BARD1: variants seen among roughly 807,000 people sequenced by gnomAD.
BARD1 encodes BRCA1-associated RING domain protein 1.
A neutral mutation model predicts 77.0 loss-of-function variants in BARD1; 73 were observed. The ratio of observed to expected loss-of-function variants is 0.95; its 90% confidence interval spans 0.79 to 1.15. The LOEUF (loss-of-function observed/expected upper bound fraction) is 1.15, where lower values mean the gene tolerates loss of function less well. Among genes scored for constraint, BARD1 ranks in the 50% most tolerant of loss-of-function variants. BARD1 has a pLI of 0.00. For missense variants in BARD1, 993 were observed against 938.8 expected (o/e 1.06, Z -0.75); for synonymous variants, 384 against 338.0 (o/e 1.14, Z -1.49).
At chr2:214,789,853 A>G (rs945141121) in intron 3 of BARD1, among the ~76,000 whole-genome samples, 1 of 152,118 alleles carries the variant, frequency 6.6e-6, no homozygotes, top group Non-Finnish European at 1.5e-5. Context: ...TTGAGGGCGC[A>G]GTGCTTAAGT....
chr2:214,771,534 C>T (rs1345851412), intron 4 of BARD1, among the ~76,000 whole-genome samples: 6 of 151,894 alleles, frequency 4.0e-5, no homozygotes, highest in African/African-American at 1.5e-4. Context: ...TTGAGATCAG[C>T]CTAGCCAACA....
intron 9 of BARD1, among the ~76,000 whole-genome samples, chr2:214,736,443 T>C (rs1025287533): frequency 6.6e-6 from 1 of 152,094 alleles, no homozygotes; most frequent in African/African-American, 2.4e-5. Flanking sequence ...GTATTCATAA[T>C]TGTATCTTTA....
chr2:214,740,974 C>T (rs6712758), intron 9 of BARD1, among the ~76,000 whole-genome samples: 1 of 152,022 alleles, frequency 6.6e-6, no homozygotes, highest in South Asian at 2.1e-4. Context: ...CCATAGTACT[C>T]TCAGTATCCA....
rs762468207 is a variant in BARD1 at position 214,725,845 on chromosome 2, G to A, written c.*2831C>T. On this transcript the variant is annotated 3_prime_UTR_variant, in exon 11 of 11. Transcript: ENST00000260947. ...GGTAGGAAACAGAATAGACAATTGTGACTGTAATGAGGCCCATGAACGTTT... is the reference window on the plus strand; with the variant it reads ...GGTAGGAAACAGAATAGACAATTGTAACTGTAATGAGGCCCATGAACGTTT... The A allele has an allele frequency of 5.0e-5, 11 of 221,998 alleles. No individual in the cohort carries two copies. The highest frequency in any genetic ancestry group is 8.1e-5 in the Non-Finnish European group (9 of 111,000). The allele number at this position is 221,998 out of a possible 1,614,324, so 13.8% of individuals were successfully genotyped here. A position where few individuals can be genotyped will look rare whatever the true frequency, so the allele number is the denominator to read the frequency against.
In BARD1 at chr2:214,763,351, GACTGTTC is replaced by G. The variant is rs1559405512; in HGVS notation, c.1568+4124_1568+4130del. ...CCATTCTATAATCAGTGCTTTAACA[GACTGTTC>G]ACTGTTCACTCCTACTAGAACAGAA... is the stretch of plus-strand genomic sequence containing the variant. On this transcript the variant is annotated intron_variant, in intron 6 of 10. Transcript: ENST00000260947. Among the ~76,000 whole-genome samples, 8 of 152,240 alleles carry G rather than the reference GACTGTTC, an allele frequency of 5.3e-5. No homozygotes were observed. The South Asian group carries it at 1.7e-3, about 32-fold the overall frequency.
intron 1 of BARD1, among the ~76,000 whole-genome samples, chr2:214,803,265 G>C (rs1252556245): frequency 6.6e-6 from 1 of 152,008 alleles, no homozygotes; most frequent in Admixed American, 6.6e-5. Flanking sequence ...GGCCTTGTGG[G>C]AAGGGAAAGA....
chr2:214,760,480 A>G (rs1693904026), intron 6 of BARD1, among the ~76,000 whole-genome samples: 1 of 152,192 alleles, frequency 6.6e-6, no homozygotes, highest in Non-Finnish European at 1.5e-5. Context: ...GGCATGAGGC[A>G]CTGCGCCAGG....
rs151005590 is a variant in BARD1 at position 214,787,397 on chromosome 2, T to C, written c.364+4900A>G. On this transcript the variant is annotated intron_variant, in intron 3 of 10. Coordinates refer to ENST00000260947, the MANE Select transcript of BARD1 (RefSeq NM_000465.4). ...AAAGATTTTAATTATGTATCTTGCA[T>C]AACTAAGCAAGGAGCACAACAAAGA... 4.7e-3 allele frequency among the ~76,000 whole-genome samples: 722 copies of C among 152,060 alleles called. 7 individuals are homozygous for C. Among genetic ancestry groups the C allele is most frequent in the South Asian group, 0.029 (139 of 4,828 alleles).
At chr2:214,752,024 C>T (rs570306050) in intron 7 of BARD1, among the ~76,000 whole-genome samples, 1 of 152,258 alleles carries the variant, frequency 6.6e-6, no homozygotes, top group East Asian at 1.9e-4. Flanking sequence ...ACTCTGTGAC[C>T]CTAGCTAAAG....
intron 2 of BARD1, among the ~76,000 whole-genome samples, chr2:214,795,522 A>G (rs925432896): frequency 2.0e-5 from 3 of 152,170 alleles, no homozygotes; most frequent in African/African-American, 7.2e-5. Flanking sequence ...GTGATTTTTC[A>G]AAGATCACTG....
chr2:214,805,419 T>C (rs1696223764), intron 1 of BARD1, among the ~76,000 whole-genome samples: 1 of 152,188 alleles, frequency 6.6e-6, no homozygotes, highest in African/African-American at 2.4e-5. Context: ...GGAGAAATCA[T>C]TCCATTTGGG....
intron 3 of BARD1, among the ~76,000 whole-genome samples, chr2:214,787,141 A>C (rs1695309681): frequency 6.6e-6 from 1 of 151,888 alleles, no homozygotes; most frequent in Non-Finnish European, 1.5e-5. Flanking sequence ...TGAGGTTCTC[A>C]ATTTTTGAAA....
rs139439523 is a variant in BARD1, at chr2:214,795,895, G to C, written c.215+1166C>G. On this transcript the variant is annotated intron_variant, in intron 2 of 10. Transcript: ENST00000260947. ...AACAGACGTATCTGGTAGGCAACAGGTTCCATCTCCTACCCCCCATCCTCC... is the reference window on the plus strand; with the variant it reads ...AACAGACGTATCTGGTAGGCAACAGCTTCCATCTCCTACCCCCCATCCTCC... Among the ~76,000 whole-genome samples, 736 of 152,144 alleles carry C rather than the reference G, an allele frequency of 4.8e-3. 6 individuals are homozygous for C. Among genetic ancestry groups the C allele is most frequent in the African/African-American group, 0.016 (676 of 41,500 alleles).
At position 214,809,499 on chromosome 2, in the gene BARD1, G is replaced by GAC. The variant is rs1559454573; in HGVS notation, c.70_71insGT (p.Pro24ArgfsTer35). 3.1e-6 allele frequency: 5 copies of GAC among 1,606,070 alleles called. No homozygotes were observed. In the East Asian group the frequency reaches 1.1e-4, roughly 36 times the overall value. ...ACCGCGACCATCCGGTTCCATGGCG[G>GAC]GCGCGGAACGAGGCTCGTTCCCGGA... On this transcript the variant is annotated frameshift_variant, in exon 1 of 11. Transcript: ENST00000260947. LOFTEE classifies it high-confidence loss of function.
rs115068537 is a variant in BARD1, at chr2:214,767,245, T to C, written c.1568+237A>G. Among the ~76,000 whole-genome samples the C allele has an allele frequency of 2.9e-3, 447 of 152,320 alleles. 1 individual carries two copies. The highest frequency in any genetic ancestry group is 0.01 in the African/African-American group (425 of 41,562). On this transcript the variant is annotated intron_variant, in intron 6 of 10. Coordinates refer to ENST00000260947, the MANE Select transcript of BARD1 (RefSeq NM_000465.4). ...TGTCATTGATATTTCCCAATTATTT[T>C]TGATCTGCAGTTGGCTGAATCCTCA...
At chr2:214,804,251 T>C (rs1696163948) in intron 1 of BARD1, among the ~76,000 whole-genome samples, 1 of 152,234 alleles carries the variant, frequency 6.6e-6, no homozygotes, top group African/African-American at 2.4e-5. Flanking sequence ...CTATAGGGGA[T>C]TCTTAGCAAT....
intron 4 of BARD1, among the ~76,000 whole-genome samples, chr2:214,772,020 G>A (rs1187338209): frequency 6.6e-6 from 1 of 151,372 alleles, no homozygotes; most frequent in African/African-American, 2.4e-5. Flanking sequence ...CAACTGGAGT[G>A]CAATGGCATG....
At position 214,732,768 on chromosome 2, in the gene BARD1, G is replaced by A. The variant is rs2105995064; in HGVS notation, c.1904-2260C>T. ...AAGAAATGCAATGTTTTCCAAGAGT[G>A]AGTAATGGTCCACTTTAGACTAACT... On this transcript the variant is annotated intron_variant, in intron 9 of 10. Transcript: ENST00000260947. Among the ~76,000 whole-genome samples the A allele has an allele frequency of 2.0e-5, 3 of 152,272 alleles. No homozygotes were observed. In the East Asian group the frequency reaches 5.8e-4, roughly 29 times the overall value.
intron 1 of BARD1, among the ~76,000 whole-genome samples, chr2:214,798,205 G>A (rs886283795): frequency 6.6e-6 from 1 of 151,618 alleles, no homozygotes; most frequent in Non-Finnish European, 1.5e-5. Flanking sequence ...GAGATTTTCA[G>A]AAAGATTGCG....
Sources: allele counts gnomAD v4.1 joint callset (sites outside exome capture counted in the v4.1 genomes callset), GRCh38; gene constraint gnomAD v4.1.1; transcripts MANE v1.5; gene names NCBI Gene and HGNC (gene_info 2026-07-23, HGNC 2026-07-21).